Variants in PRELID2 observed in about 807,000 individuals in gnomAD.
PRELID2 encodes the protein PRELI domain containing 2.
A neutral mutation model predicts 28.4 loss-of-function variants in PRELID2; 25 were observed. The observed-to-expected ratio is 0.88, with a 90% CI of 0.64 to 1.23. The LOEUF is 1.23. PRELID2 is among the 50% of genes most tolerant of loss of function. PRELID2 has a pLI of 0.00. For missense variants in PRELID2, 201 were observed against 214.4 expected, an observed-to-expected ratio of 0.94 and a Z score of 0.39; for synonymous variants, 76 against 71.6, an observed-to-expected ratio of 1.06 and a Z score of -0.31.
chr5:145,324,705 G>A, the PRELID2 span, among the ~76,000 whole-genome samples: 1 of 152,118 alleles, frequency 6.6e-6, no homozygotes, highest in Non-Finnish European at 1.5e-5. Flanking sequence ...ATAAGGCATT[G>A]TTCTAAATGC....
At chr5:145,441,713 T>G in the PRELID2 span, among the ~76,000 whole-genome samples, 1 of 152,122 alleles carries the variant, frequency 6.6e-6, no homozygotes, top group Non-Finnish European at 1.5e-5. Context: ...TTTTCAGGGA[T>G]GCATGGTGAA....
At chr5:145,622,505 T>C (rs2149652745) in intron 1 of PRELID2, among the ~76,000 whole-genome samples, 1 of 152,206 alleles carries the variant, frequency 6.6e-6, no homozygotes, top group East Asian at 1.9e-4. Context: ...CTGTTGGAAA[T>C]ATAGATGAAC....
At chr5:145,610,678 C>T (rs1324388205) in intron 1 of PRELID2, among the ~76,000 whole-genome samples, 1 of 152,116 alleles carries the variant, frequency 6.6e-6, no homozygotes, top group Non-Finnish European at 1.5e-5. Flanking sequence ...GTAATACTGG[C>T]TTTGAGACTG....
At chr5:145,424,319 G>A in the PRELID2 span, among the ~76,000 whole-genome samples, 1 of 152,202 alleles carries the variant, frequency 6.6e-6, no homozygotes, top group Non-Finnish European at 1.5e-5. Flanking sequence ...GCAATGGCGG[G>A]CGCCCCTCCC....
At chr5:145,274,327 A>G in the PRELID2 span, among the ~76,000 whole-genome samples, 1 of 152,116 alleles carries the variant, frequency 6.6e-6, no homozygotes, top group Non-Finnish European at 1.5e-5. Context: ...AGGTAGGGAG[A>G]TTAACAAGCA....
chr5:145,487,519 G>C (rs1351692965), intron 1 of PRELID2, among the ~76,000 whole-genome samples: 2 of 152,160 alleles, frequency 1.3e-5, no homozygotes, highest in Non-Finnish European at 2.9e-5. Flanking sequence ...GTAGATAGAA[G>C]TATATAACTT....
chr5:145,377,990 T>C, the PRELID2 span, among the ~76,000 whole-genome samples: 2 of 152,202 alleles, frequency 1.3e-5, no homozygotes, highest in African/African-American at 2.4e-5. Flanking sequence ...GTTCTGGTGA[T>C]AACAAATTCC....
At chr5:145,367,503 G>A in the PRELID2 span, among the ~76,000 whole-genome samples, 4 of 151,818 alleles carry the variant, frequency 2.6e-5, no homozygotes, top group Non-Finnish European at 5.9e-5. Flanking sequence ...CATTCTTGGT[G>A]TCGTACATTC....
intron 1 of PRELID2, among the ~76,000 whole-genome samples, chr5:145,547,168 A>C (rs1164334243): frequency 6.6e-6 from 1 of 152,222 alleles, no homozygotes; most frequent in African/African-American, 2.4e-5. Context: ...ACAGCTAATT[A>C]GAAAACATTG....
the PRELID2 span, among the ~76,000 whole-genome samples, chr5:145,402,780 A>G: frequency 6.6e-6 from 1 of 152,148 alleles, no homozygotes; most frequent in African/African-American, 2.4e-5. Flanking sequence ...GATAGTGAGG[A>G]TCACAATGTG....
intron 5 of PRELID2, among the ~76,000 whole-genome samples, chr5:145,772,637 G>C (rs982221040): frequency 2.6e-5 from 4 of 152,136 alleles, no homozygotes; most frequent in African/African-American, 9.7e-5. Context: ...CATTCAAAGG[G>C]GTGGAGCCCT....
At chr5:145,435,725 T>G in the PRELID2 span, among the ~76,000 whole-genome samples, 1 of 152,166 alleles carries the variant, frequency 6.6e-6, no homozygotes, top group Non-Finnish European at 1.5e-5. Context: ...TTTTTCCCAT[T>G]TGGTGGAAAT....
At chr5:145,643,659 T>C (rs1335635167) in intron 1 of PRELID2, among the ~76,000 whole-genome samples, 2 of 152,220 alleles carry the variant, frequency 1.3e-5, no homozygotes, top group African/African-American at 4.8e-5. Context: ...TTGTCATAAA[T>C]AGATCTTATT....
At chr5:145,413,691 C>G in the PRELID2 span, among the ~76,000 whole-genome samples, 1 of 151,694 alleles carries the variant, frequency 6.6e-6, no homozygotes, top group East Asian at 1.9e-4. Flanking sequence ...AACACATTTA[C>G]TCATCCCCCA....
chr5:145,792,491 C>T (rs1159424167), intron 5 of PRELID2, among the ~76,000 whole-genome samples: 1 of 152,180 alleles, frequency 6.6e-6, no homozygotes, highest in East Asian at 1.9e-4. Flanking sequence ...AAATTTTCTG[C>T]ATCAGCAGAT....
At chr5:145,419,108 T>G in the PRELID2 span, among the ~76,000 whole-genome samples, 3 of 150,490 alleles carry the variant, frequency 2.0e-5, no homozygotes, top group South Asian at 2.1e-4. Context: ...ATGTGCCACA[T>G]TTTCTTAATC....
chr5:145,612,227 G>A (rs1753627172), intron 1 of PRELID2, among the ~76,000 whole-genome samples: 1 of 152,038 alleles, frequency 6.6e-6, no homozygotes, highest in African/African-American at 2.4e-5. Context: ...AATACACAAT[G>A]TAAGTAAATA....
the PRELID2 span, among the ~76,000 whole-genome samples, chr5:145,306,813 G>C: frequency 6.6e-6 from 1 of 151,718 alleles, no homozygotes; most frequent in Admixed American, 6.6e-5. Context: ...TCCATCAACA[G>C]AATATCTACA....
the PRELID2 span, among the ~76,000 whole-genome samples, chr5:145,341,111 A>G: frequency 6.6e-6 from 1 of 151,986 alleles, no homozygotes; most frequent in African/African-American, 2.4e-5. Flanking sequence ...AAAGTACTCC[A>G]CTATGAAAAG....
Sources: gnomAD v4.1 joint callset for allele counts (sites outside exome capture counted in the v4.1 genomes callset) on GRCh38, gnomAD v4.1.1 for gene constraint, MANE v1.5 for transcripts, NCBI Gene and HGNC (gene_info 2026-07-23, HGNC 2026-07-21) for gene names.